Variants in PAN3 observed in about 807,000 individuals in gnomAD.
The protein encoded by PAN3 is poly(A) specific ribonuclease subunit PAN3.
Under a neutral mutation model 96.2 loss-of-function variants are expected in PAN3, and 19 were observed. That is an observed-to-expected ratio of 0.20 (90% CI 0.14 to 0.29). PAN3 has a LOEUF of 0.29. Among genes scored for constraint, PAN3 ranks in the 10% least tolerant of loss-of-function variants. PAN3 has a pLI of 1.00. For synonymous variants in PAN3, 433 were observed against 406.6 expected (o/e 1.06, Z -0.78); for missense variants, 882 against 1,108.1 (o/e 0.80, Z 2.90).
chr13:28,235,682 T>TACACACACACACACACACACACACACAC (rs143752644), intron 6 of PAN3, among the ~76,000 whole-genome samples: 2 of 123,388 alleles, frequency 1.6e-5, no homozygotes, highest in African/African-American at 7.0e-5. Flanking sequence ...TTCTCTAATA[T>TACACACACACACACACACACACACACAC]ACACACACAC....
At chr13:28,255,829 AT>A (rs1885094593) in intron 6 of PAN3, among the ~76,000 whole-genome samples, 1 of 151,952 alleles carries the variant, frequency 6.6e-6, no homozygotes, top group Non-Finnish European at 1.5e-5. Flanking sequence ...GATAATTTGA[AT>A]TTTTAATACT....
Position 28,224,982 on chromosome 13 carries a change from A to G in PAN3, c.1000+4604A>G, listed in dbSNP as rs552912991. Reference sequence around the variant, plus strand: ...ATATGGGGAGAATCATCTAATTATTATACCAAAATTAGCATTATTAAATAA... The same window carrying G: ...ATATGGGGAGAATCATCTAATTATTGTACCAAAATTAGCATTATTAAATAA... On this transcript the variant is annotated intron_variant, in intron 6 of 18. Transcript: ENST00000380958. 5.9e-5 allele frequency among the ~76,000 whole-genome samples: 9 copies of G among 152,312 alleles called. No homozygotes were observed. In the South Asian group the frequency reaches 1.2e-3, roughly 21 times the overall value.
chr13:28,169,221 G>GTTTT (rs1491548778), intron 1 of PAN3, among the ~76,000 whole-genome samples: 2 of 108,622 alleles, frequency 1.8e-5, no homozygotes, highest in Admixed American at 9.3e-5. Context: ...TTTTTTGTTT[G>GTTTT]CTTTTTTTTT....
intron 5 of PAN3, among the ~76,000 whole-genome samples, chr13:28,206,683 C>T (rs191263070): frequency 4.6e-4 from 70 of 151,880 alleles, no homozygotes; most frequent in Non-Finnish European, 8.5e-4. Flanking sequence ...GACAGTTGAC[C>T]ATTCTTCTTT....
rs1413496897 is a variant in PAN3, at chr13:28,266,034, C to T, written c.1412-681C>T. Among the ~76,000 whole-genome samples, 6 of 906 alleles carry T rather than the reference C, an allele frequency of 6.6e-3. 3 individuals are homozygous for T. The highest frequency in any genetic ancestry group is 0.059 in the African/African-American group (4 of 68). 0.6% of individuals were successfully genotyped at this position (906 alleles called of 152,430 possible). A position where few individuals can be genotyped will look rare whatever the true frequency, so the allele number is the denominator to read the frequency against. On this transcript the variant is annotated intron_variant, in intron 9 of 18. Transcript: ENST00000380958. ...ACAGGCGTGAGCCACCGCGCCCGGC[C>T]GGTTTTTTTTTTTTTTTTTTAACAG... is the stretch of plus-strand genomic sequence containing the variant.
At chr13:28,155,867 A>G (rs1872088164) in intron 1 of PAN3, among the ~76,000 whole-genome samples, 1 of 152,206 alleles carries the variant, frequency 6.6e-6, no homozygotes, top group Non-Finnish European at 1.5e-5. Context: ...AAAGACACAG[A>G]TTTTGAGAGG....
chr13:28,182,529 A>T (rs1379032432), intron 4 of PAN3, among the ~76,000 whole-genome samples: 1 of 152,102 alleles, frequency 6.6e-6, no homozygotes, highest in Admixed American at 6.6e-5. Context: ...ACTTCTGTAA[A>T]TTTTTTTAAG....
chr13:28,179,884 A>G (rs1380836170), intron 4 of PAN3, among the ~76,000 whole-genome samples: 2 of 152,098 alleles, frequency 1.3e-5, no homozygotes, highest in East Asian at 3.8e-4. Flanking sequence ...AAAATAATAA[A>G]AATTATTAGA....
chr13:28,192,699 G>A (rs973476479), intron 4 of PAN3, among the ~76,000 whole-genome samples: 5 of 152,078 alleles, frequency 3.3e-5, no homozygotes, highest in Admixed American at 6.5e-5. Flanking sequence ...ATCTGTCTTC[G>A]AGCGTAAGGT....
rs557591621 is a variant in PAN3 at position 28,196,873 on chromosome 13, T to C, written c.691-312T>C. 2.6e-5 allele frequency among the ~76,000 whole-genome samples: 4 copies of C among 152,350 alleles called. No individual in the cohort carries two copies. In the South Asian group the frequency reaches 8.3e-4, roughly 32 times the overall value. ...GTAGAAAAAATTTTGCAAAGCATTT[T>C]TCTTTGCTGATAAGTTAAATTTCTA... On this transcript the variant is annotated intron_variant, in intron 4 of 18. Coordinates refer to ENST00000380958, the MANE Select transcript of PAN3 (RefSeq NM_175854.8).
At position 28,293,387 on chromosome 13, in the gene PAN3, G is replaced by GTTTTTTT. The variant is rs71086844; in HGVS notation, c.*888_*894dup. On this transcript the variant is annotated 3_prime_UTR_variant, in exon 19 of 19. Coordinates refer to ENST00000380958, the MANE Select transcript of PAN3 (RefSeq NM_175854.8). Reference sequence around the variant, plus strand: ...ACTTTAGGTTCTTTCCAGTTTGCTGGTTTTTTTTTTTTTTTTTTTTTTTTT... The same window carrying GTTTTTTT: ...ACTTTAGGTTCTTTCCAGTTTGCTGGTTTTTTTTTTTTTTTTTTTTTTTTTTTTTTTT... 241 of 21,364 alleles carry GTTTTTTT rather than the reference G, an allele frequency of 0.011. 51 individuals carry two copies. The highest frequency in any genetic ancestry group is 0.05 in the Middle Eastern group (1 of 20). The allele number at this position is 21,364 out of a possible 1,614,324, so 1.3% of individuals were successfully genotyped here.
At chr13:28,172,424 C>T (rs922602308) in intron 1 of PAN3, among the ~76,000 whole-genome samples, 11 of 152,080 alleles carry the variant, frequency 7.2e-5, no homozygotes, top group African/African-American at 2.7e-4. Flanking sequence ...CCACTGCATT[C>T]CAGCCTGGGT....
At chr13:28,160,502 CTT>C (rs914095414) in intron 1 of PAN3, among the ~76,000 whole-genome samples, 5 of 152,078 alleles carry the variant, frequency 3.3e-5, no homozygotes, top group Admixed American at 3.3e-4. Flanking sequence ...GTCTTAGAGA[CTT>C]TTAGTAATAG....
intron 15 of PAN3, 99 bp downstream of exon 15, chr13:28,277,475 A>G: frequency 1.6e-6 from 2 of 1,232,790 alleles, no homozygotes; most frequent in Non-Finnish European, 2.3e-6. Context: ...ACTATTTAAA[A>G]TCAAGCAAAA....
At chr13:28,149,545 T>C (rs2137959366) in intron 1 of PAN3, among the ~76,000 whole-genome samples, 1 of 152,246 alleles carries the variant, frequency 6.6e-6, no homozygotes, top group Admixed American at 6.5e-5. Context: ...CGCTAGAAAG[T>C]TTCATTTGGG....
intron 1 of PAN3, among the ~76,000 whole-genome samples, chr13:28,166,262 C>G (rs775032480): frequency 6.6e-6 from 1 of 152,178 alleles, no homozygotes; most frequent in Non-Finnish European, 1.5e-5. Context: ...AGGATAGATA[C>G]TTCCATTCAG....
chr13:28,144,641 T>C (rs1026598655), intron 1 of PAN3, among the ~76,000 whole-genome samples: 2 of 151,842 alleles, frequency 1.3e-5, no homozygotes, highest in Non-Finnish European at 2.9e-5. Context: ...CAGAGTGGTA[T>C]GATCATAGAC....
intron 18 of PAN3, among the ~76,000 whole-genome samples, chr13:28,290,862 G>A (rs1482086023): frequency 6.6e-6 from 1 of 152,064 alleles, no homozygotes; most frequent in South Asian, 2.1e-4. Context: ...TTAAAAATAC[G>A]TAGAACCAGA....
chr13:28,204,017 G>C (rs1406551738), intron 5 of PAN3, among the ~76,000 whole-genome samples: 3 of 151,854 alleles, frequency 2.0e-5, no homozygotes, highest in African/African-American at 7.3e-5. Context: ...TGGCCAGGAT[G>C]GTCTTGATCT....
Sources: allele counts gnomAD v4.1 joint callset (sites outside exome capture counted in the v4.1 genomes callset), GRCh38; gene constraint gnomAD v4.1.1; transcripts MANE v1.5; gene names NCBI Gene and HGNC (gene_info 2026-07-23, HGNC 2026-07-21).